The following PDE1C variants were observed in gnomAD, a reference collection of about 807,000 sequenced individuals.
The protein encoded by PDE1C is phosphodiesterase 1C, also known as dual specificity calcium/calmodulin-dependent 3',5'-cyclic nucleotide phosphodiesterase 1C.
PDE1C carries 62 observed loss-of-function variants against 93.1 expected under a neutral mutation model. The ratio of observed to expected loss-of-function variants is 0.67; its 90% CI spans 0.54 to 0.82. The LOEUF is 0.82. Among genes scored for constraint, PDE1C ranks in the 40% least tolerant of loss-of-function variants. The pLI, the probability that PDE1C is intolerant of heterozygous loss-of-function variation, is 0.00. For synonymous variants in PDE1C, 325 were observed against 310.1 expected (o/e 1.05, Z -0.50); for missense variants, 742 against 884.6 (o/e 0.84, Z 2.04).
intron 17 of PDE1C, among the ~76,000 whole-genome samples, chr7:31,771,327 T>C (rs1322984518): frequency 6.6e-6 from 1 of 152,224 alleles, no homozygotes; most frequent in African/African-American, 2.4e-5. Context: ...TGTTATTTTA[T>C]GTTCCTAGAA....
the PDE1C span, among the ~76,000 whole-genome samples, chr7:31,720,590 A>G: frequency 1.3e-5 from 2 of 152,218 alleles, no homozygotes; most frequent in Non-Finnish European, 2.9e-5. Context: ...GCAGCAGCCA[A>G]ATCTGCAGCC....
intron 16 of PDE1C, chr7:31,790,255 T>A: frequency 2.5e-6 from 4 of 1,612,358 alleles, no homozygotes; most frequent in Non-Finnish European, 3.4e-6. Context: ...TTTACTCTTG[T>A]GAATCTGAAA....
At chr7:31,656,430 C>A in the PDE1C span, 10 of 743,882 alleles carry the variant, frequency 1.3e-5, no homozygotes, top group African/African-American at 1.5e-4. Context: ...ATGTCCATCA[C>A]GTAGTAAGTG....
chr7:32,092,496 C>T (rs577980806), intron 3 of PDE1C, among the ~76,000 whole-genome samples: 21 of 152,278 alleles, frequency 1.4e-4, no homozygotes, highest in Admixed American at 3.9e-4. Flanking sequence ...TCCTGTCCCC[C>T]GACCTCTACA....
chr7:31,650,373 G>A, the PDE1C span, among the ~76,000 whole-genome samples: 1 of 152,142 alleles, frequency 6.6e-6, no homozygotes. Context: ...CTGGAGGGTG[G>A]TCAAGTCTGT....
chr7:31,636,338 T>C, the PDE1C span, among the ~76,000 whole-genome samples: 8 of 152,332 alleles, frequency 5.3e-5, no homozygotes, highest in African/African-American at 1.7e-4. Flanking sequence ...TTCTAACGTA[T>C]AATTTCATCC....
At chr7:31,970,846 A>G (rs2129048442) in intron 2 of PDE1C, among the ~76,000 whole-genome samples, 1 of 152,322 alleles carries the variant, frequency 6.6e-6, no homozygotes, top group Non-Finnish European at 1.5e-5. Flanking sequence ...CAAAAGAGAG[A>G]GATGACAGAA....
intron 2 of PDE1C, among the ~76,000 whole-genome samples, chr7:32,049,959 A>C (rs2128683431): frequency 6.6e-6 from 1 of 152,330 alleles, no homozygotes; most frequent in East Asian, 1.9e-4. Flanking sequence ...CCTAGATGGT[A>C]TAGCCTACTA....
intron 2 of PDE1C, among the ~76,000 whole-genome samples, chr7:31,913,216 T>G (rs1388712344): frequency 2.0e-5 from 3 of 152,170 alleles, no homozygotes; most frequent in Non-Finnish European, 4.4e-5. Context: ...CCATGTTATT[T>G]ACAACTCAAA....
At chr7:31,713,647 C>T in the PDE1C span, among the ~76,000 whole-genome samples, 2 of 152,250 alleles carry the variant, frequency 1.3e-5, no homozygotes, top group Non-Finnish European at 2.9e-5. Flanking sequence ...CCTGCACAAA[C>T]TTCTGCCTGG....
At chr7:31,871,782 A>G (rs1011635330) in intron 6 of PDE1C, among the ~76,000 whole-genome samples, 3 of 151,996 alleles carry the variant, frequency 2.0e-5, no homozygotes, top group East Asian at 1.9e-4. Context: ...TACAGTCACT[A>G]TGGAAAACAG....
At chr7:31,680,723 G>GT in the PDE1C span, among the ~76,000 whole-genome samples, 133,981 of 152,012 alleles carry the variant, frequency 0.88, 59,377 homozygotes, top group African/African-American at 0.97. Context: ...GGACCTCATG[G>GT]TCTGAGTCTC....
chr7:31,873,168 T>C (rs1796145511), intron 6 of PDE1C, 124 bp downstream of exon 6: 5 of 630,268 alleles, frequency 7.9e-6, no homozygotes, highest in African/African-American at 7.5e-5. Flanking sequence ...ATCCGAAGGA[T>C]GCTTCCTCAG....
chr7:31,831,966 G>C (rs1790469090), intron 11 of PDE1C, among the ~76,000 whole-genome samples: 3 of 152,088 alleles, frequency 2.0e-5, no homozygotes, highest in Admixed American at 2.0e-4. Flanking sequence ...TTAAGAACAA[G>C]GGCTCAGGGG....
chr7:32,319,379 T>G (rs1783240342), intron 1 of PDE1C, among the ~76,000 whole-genome samples: 1 of 152,120 alleles, frequency 6.6e-6, no homozygotes, highest in Admixed American at 6.5e-5. Flanking sequence ...TCTGTGCCCT[T>G]GGGTGCTGTT....
At chr7:32,250,388 G>A (rs577811486) in intron 1 of PDE1C, among the ~76,000 whole-genome samples, 31 of 152,262 alleles carry the variant, frequency 2.0e-4, no homozygotes, top group African/African-American at 4.8e-4. Context: ...AATTAGGTGC[G>A]CATCAGAATC....
chr7:32,167,748 TC>T (rs1036886899), intron 3 of PDE1C, among the ~76,000 whole-genome samples: 14 of 152,024 alleles, frequency 9.2e-5, no homozygotes, highest in African/African-American at 3.4e-4. Context: ...GGCCCTAAAC[TC>T]CAAATGCCCT....
rs558389436 is a variant in PDE1C, at chr7:32,377,443, T to C, written c.310+50379A>G. 2.0e-5 allele frequency among the ~76,000 whole-genome samples: 3 copies of C among 152,350 alleles called. No homozygotes were observed. The South Asian group carries it at 6.2e-4, about 32-fold the overall frequency. ...TAGCTATTTTTAAGTAGCGTATGGT[T>C]CCCCATCACTGCCTCTTTGGTATCT... On this transcript the variant is annotated intron_variant, in intron 1 of 1. Transcript: ENST00000672256.
chr7:31,975,448 A>C (rs1811541722), intron 2 of PDE1C, among the ~76,000 whole-genome samples: 1 of 152,160 alleles, frequency 6.6e-6, no homozygotes, highest in Admixed American at 6.6e-5. Flanking sequence ...GTGTATTGAG[A>C]CTAACAAGAA....
Sources: allele counts gnomAD v4.1 joint callset (sites outside exome capture counted in the v4.1 genomes callset), GRCh38; gene constraint gnomAD v4.1.1; transcripts MANE v1.5; gene names NCBI Gene and HGNC (gene_info 2026-07-23, HGNC 2026-07-21).